Variants in SH3PXD2A observed in about 807,000 individuals in gnomAD.
The protein encoded by SH3PXD2A is SH3 and PX domains 2A.
SH3PXD2A carries 32 observed loss-of-function variants against 115.2 expected under a neutral mutation model. The observed-to-expected ratio is 0.28, with a 90% CI of 0.21 to 0.37. SH3PXD2A has a LOEUF of 0.37. SH3PXD2A is among the 10% of genes least tolerant of loss of function. SH3PXD2A has a pLI of 1.00. For missense variants in SH3PXD2A, 1,328 were observed against 1,498.7 expected (o/e 0.89, Z 1.88); for synonymous variants, 610 against 629.1 (o/e 0.97, Z 0.45).
At chr10:103,802,143 T>C (rs1487665333) in intron 1 of SH3PXD2A, among the ~76,000 whole-genome samples, 2 of 152,224 alleles carry the variant, frequency 1.3e-5, no homozygotes, top group Non-Finnish European at 2.9e-5. Context: ...GTTTACACTT[T>C]TAACAAACCC....
At chr10:103,703,546 C>A (rs1365298798) in intron 5 of SH3PXD2A, among the ~76,000 whole-genome samples, 1 of 152,172 alleles carries the variant, frequency 6.6e-6, no homozygotes, top group African/African-American at 2.4e-5. Flanking sequence ...GATTTTGACC[C>A]CCAATAGCAC....
chr10:103,741,822 C>T (rs1242671980), intron 3 of SH3PXD2A, among the ~76,000 whole-genome samples: 1 of 152,174 alleles, frequency 6.6e-6, no homozygotes, highest in Non-Finnish European at 1.5e-5. Flanking sequence ...GCTGCTGGCA[C>T]AAATTACCAC....
At chr10:103,813,386 A>G (rs1463339844) in intron 1 of SH3PXD2A, among the ~76,000 whole-genome samples, 1 of 152,198 alleles carries the variant, frequency 6.6e-6, no homozygotes, top group Non-Finnish European at 1.5e-5. Flanking sequence ...GCACAATCAT[A>G]GCTCAATGCA....
chr10:103,615,483 G>GGTGTGTGT (rs57711259), intron 11 of SH3PXD2A, among the ~76,000 whole-genome samples: 6,362 of 128,236 alleles, frequency 0.05, 314 homozygotes, highest in Non-Finnish European at 0.061. Flanking sequence ...AGAGTGCGAG[G>GGTGTGTGT]GTGTGTGTGT....
chr10:103,680,824 C>T (rs1259751462), intron 6 of SH3PXD2A, among the ~76,000 whole-genome samples: 5 of 152,104 alleles, frequency 3.3e-5, no homozygotes, highest in South Asian at 2.1e-4. Context: ...TTTCACACTT[C>T]GAAACAGACC....
chr10:103,619,869 G>T (rs935137005), intron 10 of SH3PXD2A, among the ~76,000 whole-genome samples: 17 of 152,218 alleles, frequency 1.1e-4, no homozygotes, highest in Non-Finnish European at 7.4e-5. Flanking sequence ...CACTGCACAG[G>T]TTGCAGGGAT....
chr10:103,776,168 C>T (rs2038876032), intron 2 of SH3PXD2A, among the ~76,000 whole-genome samples: 1 of 152,184 alleles, frequency 6.6e-6, no homozygotes, highest in Non-Finnish European at 1.5e-5. Context: ...AGGAGGATTG[C>T]TTAAGCCCAG....
intron 6 of SH3PXD2A, among the ~76,000 whole-genome samples, chr10:103,685,070 G>T (rs2037660114): frequency 6.6e-6 from 1 of 152,034 alleles, no homozygotes; most frequent in Non-Finnish European, 1.5e-5. Flanking sequence ...AGTCATGGTG[G>T]TTCACACCTG....
chr10:103,679,990 T>A (rs2037587890), intron 6 of SH3PXD2A, among the ~76,000 whole-genome samples: 1 of 152,168 alleles, frequency 6.6e-6, no homozygotes, highest in African/African-American at 2.4e-5. Context: ...TTTATTTATT[T>A]ATTTTTTGAG....
intron 5 of SH3PXD2A, among the ~76,000 whole-genome samples, chr10:103,702,881 G>GC (rs1460639822): frequency 6.6e-6 from 1 of 152,088 alleles, no homozygotes; most frequent in Non-Finnish European, 1.5e-5. Context: ...GGACTGCTTT[G>GC]CCCCTCAAGC....
chr10:103,804,091 G>A (rs2039173858), intron 1 of SH3PXD2A, among the ~76,000 whole-genome samples: 1 of 152,102 alleles, frequency 6.6e-6, no homozygotes, highest in African/African-American at 2.4e-5. Context: ...GAAGCCTCCA[G>A]GCAGCAGGCT....
chr10:103,616,812 C>T (rs891039258), intron 11 of SH3PXD2A, among the ~76,000 whole-genome samples: 14 of 152,118 alleles, frequency 9.2e-5, no homozygotes, highest in African/African-American at 2.9e-4. Flanking sequence ...GCAAGGCCTG[C>T]GGACGCCAGT....
At chr10:103,676,365 G>C (rs907047522) in intron 6 of SH3PXD2A, among the ~76,000 whole-genome samples, 1 of 152,178 alleles carries the variant, frequency 6.6e-6, no homozygotes, top group Admixed American at 6.5e-5. Context: ...TCAGGCGGGG[G>C]ATGGGGTGCA....
chr10:103,635,892 G>C (rs2036857202), intron 8 of SH3PXD2A, among the ~76,000 whole-genome samples: 1 of 152,214 alleles, frequency 6.6e-6, no homozygotes, highest in Admixed American at 6.5e-5. Context: ...GGGCTGAGGA[G>C]AGGAGGCAGC....
At chr10:103,693,146 G>A in intron 5 of SH3PXD2A, 90 bp from the exon 6 acceptor site, 1 of 1,098,144 alleles carries the variant, frequency 9.1e-7, no homozygotes. Context: ...GCTGGCTGCG[G>A]TCGGTCCCCG....
chr10:103,617,095 TGTCA>T (rs2036530167), intron 11 of SH3PXD2A, 98 bp downstream of exon 11: 2 of 773,990 alleles, frequency 2.6e-6, no homozygotes, highest in Admixed American at 3.6e-5. Context: ...GGCACAAAGC[TGTCA>T]GTATCTACCT....
chr10:103,662,341 C>CCGGGGGA (rs1272076460), intron 7 of SH3PXD2A, among the ~76,000 whole-genome samples: 1 of 10,628 alleles, frequency 9.4e-5, no homozygotes, highest in South Asian at 0.01. Flanking sequence ...CCATTATTGG[C>CCGGGGGA]GGGGGGGGGG....
At chr10:103,628,391 T>C (rs2036729808) in intron 8 of SH3PXD2A, among the ~76,000 whole-genome samples, 1 of 152,126 alleles carries the variant, frequency 6.6e-6, no homozygotes, top group Non-Finnish European at 1.5e-5. Context: ...CTTGCAGCTC[T>C]GCAAAGCCCA....
At chr10:103,727,572 C>G (rs1000600941) in intron 4 of SH3PXD2A, among the ~76,000 whole-genome samples, 1 of 152,108 alleles carries the variant, frequency 6.6e-6, no homozygotes, top group Non-Finnish European at 1.5e-5. Flanking sequence ...TTCAGCGGCC[C>G]ACAGCACTAG....
Sources: gnomAD v4.1 joint callset for allele counts (sites outside exome capture counted in the v4.1 genomes callset) on GRCh38, gnomAD v4.1.1 for gene constraint, MANE v1.5 for transcripts, NCBI Gene and HGNC (gene_info 2026-07-23, HGNC 2026-07-21) for gene names.